CCSER2: variants seen among roughly 807,000 people sequenced by gnomAD.
CCSER2 encodes the protein serine-rich coiled-coil domain-containing protein 2.
A neutral mutation model predicts 92.3 loss-of-function variants in CCSER2; 46 were observed. That is an observed-to-expected ratio of 0.50 (90% CI 0.39 to 0.64). CCSER2 has a LOEUF of 0.64. CCSER2 is among the 30% of genes least tolerant of loss of function. The probability of loss-of-function intolerance (pLI) is 0.00; values close to 1 mark genes in which losing one functional copy is unlikely to be tolerated. For missense variants in CCSER2, 1,244 were observed against 1,238.9 expected, an observed-to-expected ratio of 1.00 and a Z score of -0.06; for synonymous variants, 433 against 431.4, an observed-to-expected ratio of 1.00 and a Z score of -0.04.
chr10:84,419,163 G>A (rs919704588), intron 4 of CCSER2, among the ~76,000 whole-genome samples: 5 of 152,188 alleles, frequency 3.3e-5, no homozygotes, highest in East Asian at 1.9e-4. Flanking sequence ...AGTGAGGGCT[G>A]TGATATTTGT....
chr10:84,469,490 T>G (rs533600311), intron 7 of CCSER2, among the ~76,000 whole-genome samples: 25 of 152,254 alleles, frequency 1.6e-4, no homozygotes, highest in Admixed American at 1.6e-3. Flanking sequence ...AATATATGTT[T>G]TTGTTCCCGA....
In CCSER2 at chr10:84,457,245, T is replaced by TTATATATAA. The variant is rs1564684146; in HGVS notation, c.2065-6688_2065-6687insTATATATAA. Among the ~76,000 whole-genome samples the TTATATATAA allele has an allele frequency of 1.7e-4, 11 of 65,648 alleles. No homozygotes were observed. In the East Asian group the frequency reaches 3.8e-3, roughly 23 times the overall value. 43.1% of individuals were successfully genotyped at this position (65,648 alleles called of 152,430 possible). A position where few individuals can be genotyped will look rare whatever the true frequency, so the allele number is the denominator to read the frequency against. On this transcript the variant is annotated intron_variant, in intron 6 of 9. Coordinates refer to ENST00000372088, the MANE Select transcript of CCSER2 (RefSeq NM_001284240.2). ...TATTATATATAAATATATTATATAT[T>TTATATATAA]ATATATTATATAAAATATATTATAT... is the stretch of plus-strand genomic sequence containing the variant.
rs1016733410 is a variant in CCSER2 at position 84,513,842 on chromosome 10, C to G, written c.2719C>G (p.Gln907Glu). 6.5e-7 allele frequency: 1 copy of G among 1,536,248 alleles called. No homozygotes were observed. ...CCAGGCTAAGAGAGTTGGAAGAAAT[C>G]AGTCTCCGCCAGTGGGTTATATGTC... ...VDQAKRVGRN[Q>E]SPPVGYMSQP... The change falls in exon 10 of 10, where the codon CAG becomes GAG. Residue 907 changes from glutamine to glutamate, a missense_variant. Transcript: ENST00000372088.
In CCSER2 at chr10:84,342,910, C is replaced by T. The variant is rs541600332; in HGVS notation, c.-40+14102C>T. ...TCTTTTTTCTTTTGAGATGGAGTCT[C>T]GCTCTGTCGCCCAGTGCAGTGGTGT... is the stretch of plus-strand genomic sequence containing the variant. On this transcript the variant is annotated intron_variant, in intron 1 of 9. Coordinates refer to ENST00000372088, the MANE Select transcript of CCSER2 (RefSeq NM_001284240.2). Among the ~76,000 whole-genome samples, 4 of 152,236 alleles carry T rather than the reference C, an allele frequency of 2.6e-5. No individual in the cohort carries two copies. In the South Asian group the frequency reaches 6.2e-4, roughly 24 times the overall value.
At chr10:84,436,095 C>T (rs562055649) in intron 5 of CCSER2, among the ~76,000 whole-genome samples, 14 of 151,960 alleles carry the variant, frequency 9.2e-5, no homozygotes, top group Non-Finnish European at 1.9e-4. Context: ...TTTGGGAGGG[C>T]GAGGCGGGCG....
At chr10:84,330,431 C>G (rs188028960) in intron 1 of CCSER2, among the ~76,000 whole-genome samples, 4 of 152,318 alleles carry the variant, frequency 2.6e-5, no homozygotes, top group Admixed American at 2.0e-4. Context: ...CTTGTCTTAA[C>G]TGATTCGTAC....
At chr10:84,433,619 T>G (rs1295962633) in intron 5 of CCSER2, among the ~76,000 whole-genome samples, 2 of 152,220 alleles carry the variant, frequency 1.3e-5, no homozygotes, top group Non-Finnish European at 2.9e-5. Context: ...AGCCATAGAA[T>G]TTGGAGAAAT....
chr10:84,444,750 G>C (rs1412398164), intron 6 of CCSER2, among the ~76,000 whole-genome samples: 1 of 151,996 alleles, frequency 6.6e-6, no homozygotes, highest in African/African-American at 2.4e-5. Context: ...CTTGAAAAAA[G>C]TTCTCCCTGC....
intron 6 of CCSER2, among the ~76,000 whole-genome samples, chr10:84,461,738 G>A (rs566414572): frequency 1.3e-5 from 2 of 151,012 alleles, no homozygotes; most frequent in South Asian, 4.2e-4. Context: ...TTTAATAACA[G>A]CTCTGTTAAA....
intron 7 of CCSER2, among the ~76,000 whole-genome samples, chr10:84,468,096 C>T (rs560397318): frequency 2.4e-4 from 36 of 152,296 alleles, no homozygotes; most frequent in South Asian, 1.0e-3. Flanking sequence ...CCAATTGCTT[C>T]TCAACATTAA....
chr10:84,474,021 G>T (rs1476980175), intron 8 of CCSER2, among the ~76,000 whole-genome samples: 1 of 152,200 alleles, frequency 6.6e-6, no homozygotes, highest in Admixed American at 6.5e-5. Flanking sequence ...AAATCAGATT[G>T]CAGCGCTCTG....
At chr10:84,505,072 T>G (rs2131856341) in intron 9 of CCSER2, among the ~76,000 whole-genome samples, 1 of 152,324 alleles carries the variant, frequency 6.6e-6, no homozygotes, top group South Asian at 2.1e-4. Context: ...AAATATTATG[T>G]TATAAAGTTG....
At chr10:84,495,611 C>T (rs1434725425) in intron 9 of CCSER2, among the ~76,000 whole-genome samples, 1 of 152,148 alleles carries the variant, frequency 6.6e-6, no homozygotes, top group Non-Finnish European at 1.5e-5. Context: ...TGAGATTATG[C>T]TTCAGCTACT....
intron 8 of CCSER2, among the ~76,000 whole-genome samples, chr10:84,472,402 C>T (rs1377848474): frequency 6.6e-6 from 1 of 152,060 alleles, no homozygotes; most frequent in African/African-American, 2.4e-5. Context: ...AACCCTGTCT[C>T]TACTAAAAAT....
intron 3 of CCSER2, among the ~76,000 whole-genome samples, chr10:84,415,876 C>T (rs960840767): frequency 7.9e-5 from 12 of 152,144 alleles, no homozygotes; most frequent in African/African-American, 2.4e-4. Context: ...TGGGTCTTAA[C>T]GTGTAAGGTG....
intron 4 of CCSER2, among the ~76,000 whole-genome samples, chr10:84,424,281 T>TAA (rs1244434863): frequency 6.4e-5 from 9 of 141,462 alleles, no homozygotes; most frequent in African/African-American, 7.7e-5. Flanking sequence ...TAACTGAACT[T>TAA]AAAAAAAAAA....
rs951404587 is a variant in CCSER2, at chr10:84,354,539, ACCCCCCG to A, written c.-39-16463_-39-16457del. On this transcript the variant is annotated intron_variant, in intron 1 of 9. Transcript: ENST00000372088. ...TCTTGGATCATACGTTCTCTGTGCC[ACCCCCCG>A]CCCCCCGCCCCGCTTCCCCCTCATC... Among the ~76,000 whole-genome samples the A allele has an allele frequency of 6.0e-5, 7 of 117,032 alleles. No individual in the cohort carries two copies. In the East Asian group the frequency reaches 1.1e-3, roughly 19 times the overall value. The allele number at this position is 117,032 out of a possible 152,430, so 76.8% of individuals were successfully genotyped here. A position where few individuals can be genotyped will look rare whatever the true frequency, so the allele number is the denominator to read the frequency against.
intron 6 of CCSER2, among the ~76,000 whole-genome samples, chr10:84,445,322 T>G (rs1297677394): frequency 6.6e-6 from 1 of 152,090 alleles, no homozygotes. Flanking sequence ...CCCAGCTAAT[T>G]TTTTGTACTT....
intron 8 of CCSER2, among the ~76,000 whole-genome samples, chr10:84,475,901 C>T (rs1026298921): frequency 6.7e-6 from 1 of 149,066 alleles, no homozygotes; most frequent in African/African-American, 2.4e-5. Flanking sequence ...GGTGCAATCT[C>T]AGCACACTGT....
Sources: gnomAD v4.1 joint callset for allele counts (sites outside exome capture counted in the v4.1 genomes callset) on GRCh38, gnomAD v4.1.1 for gene constraint, MANE v1.5 for transcripts, NCBI Gene and HGNC (gene_info 2026-07-23, HGNC 2026-07-21) for gene names.